The following UNC5A variants were observed in gnomAD, a reference collection of about 807,000 sequenced individuals.
UNC5A encodes the protein netrin receptor UNC5A.
UNC5A carries 20 observed loss-of-function variants against 87.4 expected under a neutral mutation model. The observed-to-expected ratio is 0.23, with a 90% CI of 0.16 to 0.33. The LOEUF (loss-of-function observed/expected upper bound fraction) is 0.33. UNC5A is among the 10% of genes least tolerant of loss of function. The probability of loss-of-function intolerance (pLI) is 1.00; values close to 1 mark genes in which losing one functional copy is unlikely to be tolerated. For missense variants in UNC5A, 844 were observed against 1,133.4 expected (o/e 0.74, Z 3.67); for synonymous variants, 438 against 482.3 (o/e 0.91, Z 1.20).
chr5:176,878,421 C>G (rs761064362), intron 12 of UNC5A, 28 bp downstream of exon 12: 6 of 1,612,694 alleles, frequency 3.7e-6, no homozygotes, highest in Non-Finnish European at 5.1e-6. Context: ...GGCCAGCGCA[C>G]AAGAGGCCTG....
intron 3 of UNC5A, 92 bp from the exon 4 acceptor site, chr5:176,868,469 T>A: frequency 6.8e-7 from 1 of 1,471,896 alleles, no homozygotes; most frequent in East Asian, 2.5e-5. Flanking sequence ...CTCTGCCATG[T>A]GCCACGGCCC....
chr5:176,839,536 G>A (rs1757221876), intron 1 of UNC5A, among the ~76,000 whole-genome samples: 2 of 152,224 alleles, frequency 1.3e-5, no homozygotes, highest in South Asian at 4.1e-4. Context: ...GCTGTCCCTG[G>A]TGCCCAGGTC....
At position 176,841,915 on chromosome 5, in the gene UNC5A, A is replaced by T. The variant is rs530103421; in HGVS notation, c.71-20709A>T. Among the ~76,000 whole-genome samples, 4 of 152,362 alleles carry T rather than the reference A, an allele frequency of 2.6e-5. No individual in the cohort carries two copies. The highest frequency in any genetic ancestry group is 2.6e-4 in the Admixed American group (4 of 15,310). ...AAGAATGGCCATAATCAAAAAATCA[A>T]GGCCGGGTGCGGTGGCTCACGCCGG... On this transcript the variant is annotated intron_variant, in intron 1 of 14. Transcript: ENST00000329542. The surrounding 1 kb of genome is among the most constrained non-coding windows in gnomAD (Gnocchi z 4.1).
rs531324791 is a variant in UNC5A, at chr5:176,838,282, T to G, written c.71-24342T>G. 4.2e-3 allele frequency among the ~76,000 whole-genome samples: 634 copies of G among 152,318 alleles called. 2 individuals are homozygous for G. The highest frequency in any genetic ancestry group is 0.014 in the African/African-American group (597 of 41,568). On this transcript the variant is annotated intron_variant, in intron 1 of 14. Coordinates refer to ENST00000329542, the MANE Select transcript of UNC5A (RefSeq NM_133369.3). The surrounding 1 kb of genome is among the most constrained non-coding windows in gnomAD (Gnocchi z 4.2). ...TTAGGATTTTAGGAAGCCACTCCCC[T>G]GCTAAAAAGCCTGTGATGGTTCCCC... is the stretch of plus-strand genomic sequence containing the variant.
chr5:176,874,070 A>G lies in UNC5A; in HGVS notation c.989A>G (p.Lys330Arg), dbSNP rs200879752. The G allele has an allele frequency of 1.9e-6, 3 of 1,614,054 alleles. No individual in the cohort carries two copies. The African/African-American group carries it at 4.0e-5, about 22-fold the overall frequency. ...LLVLILVYCR[K>R]KEGLDSDVAD... Reference sequence around the variant, plus strand: ...GTCCTCATCCTCGTTTATTGCCGGAAGAAGGAGGGGCTGGACTCAGATGTG... The same window carrying G: ...GTCCTCATCCTCGTTTATTGCCGGAGGAAGGAGGGGCTGGACTCAGATGTG... The change falls in exon 7 of 15, where the codon AAG becomes AGG. Residue 330 changes from lysine to arginine, a missense_variant. Lys to Arg is a conservative substitution (Grantham distance 26). This residue lies in a region of UNC5A where 353 missense variants were observed against 387.5 expected (regional missense o/e 0.91). Coordinates refer to ENST00000329542, the MANE Select transcript of UNC5A (RefSeq NM_133369.3). The surrounding 1 kb of genome is among the most constrained non-coding windows in gnomAD (Gnocchi z 7.6).
intron 1 of UNC5A, among the ~76,000 whole-genome samples, chr5:176,834,656 C>T (rs1480305367): frequency 3.2e-5 from 4 of 123,084 alleles, no homozygotes; most frequent in African/African-American, 1.2e-4. Context: ...CAGGTTCCCA[C>T]GTCCCGTCTT....
At chr5:176,868,496 A>G in intron 3 of UNC5A, 65 bp from the exon 4 acceptor site, 1 of 1,526,290 alleles carries the variant, frequency 6.6e-7, no homozygotes, top group Non-Finnish European at 8.9e-7. Flanking sequence ...GACAAGGGAC[A>G]CAGCCAGCCA....
At chr5:176,863,167 G>C (rs1757883798) in intron 2 of UNC5A, among the ~76,000 whole-genome samples, 1 of 152,274 alleles carries the variant, frequency 6.6e-6, no homozygotes, top group South Asian at 2.1e-4. Context: ...TTCCCACAGA[G>C]AGGCAGACAG....
chr5:176,843,162 A>T (rs1340722025), intron 1 of UNC5A, among the ~76,000 whole-genome samples: 2 of 122,476 alleles, frequency 1.6e-5, no homozygotes, highest in African/African-American at 4.3e-5. Context: ...ACTCTGTCTC[A>T]AAAAAAAAAA....
At chr5:176,853,123 C>T (rs768797149) in intron 1 of UNC5A, among the ~76,000 whole-genome samples, 7 of 152,194 alleles carry the variant, frequency 4.6e-5, no homozygotes, top group Non-Finnish European at 7.4e-5. Flanking sequence ...GCGGGCACGA[C>T]AAGTGCAAAG....
intron 1 of UNC5A, among the ~76,000 whole-genome samples, chr5:176,842,219 C>T (rs1427278865): frequency 2.6e-5 from 4 of 152,148 alleles, no homozygotes; most frequent in Admixed American, 2.6e-4. Context: ...AATCAAAAAA[C>T]AGTAGATGTT....
chr5:176,874,855 G>A lies in UNC5A; in HGVS notation c.1378+289G>A, dbSNP rs1271490254. ...TGGGCCCAGAGGTAGGGCAAGCCCCGGCCCCAAGGAGCTTGCAACTGAGCA... is the reference window on the plus strand; with the variant it reads ...TGGGCCCAGAGGTAGGGCAAGCCCCAGCCCCAAGGAGCTTGCAACTGAGCA... On this transcript the variant is annotated intron_variant, in intron 8 of 14. Transcript: ENST00000329542. The surrounding 1 kb of genome is among the most constrained non-coding windows in gnomAD (Gnocchi z 7.6). 1.3e-5 allele frequency among the ~76,000 whole-genome samples: 2 copies of A among 152,176 alleles called. No homozygotes were observed. Among genetic ancestry groups the A allele is most frequent in the African/African-American group, 4.8e-5 (2 of 41,436 alleles).
In UNC5A at chr5:176,868,586, G is replaced by C; in HGVS notation, c.462G>C (p.Glu154Asp). The stretch of plus-strand genomic sequence containing the variant: ...ATTTGCGCAAGAACTTCGAGCAGGA[G>C]CCGCTGGCCAAGGAGGTGTCCCTGG... ...IAYLRKNFEQ[E>D]PLAKEVSLEQ... The change falls in exon 4 of 15, where the codon GAG becomes GAC. Residue 154 changes from glutamate (E) to aspartate (D), a missense_variant. By Grantham distance (45) the Glu-to-Asp change is conservative (BLOSUM62 2). Transcript: ENST00000329542. 1 of 1,605,684 alleles carries C rather than the reference G, an allele frequency of 6.2e-7. No individual in the cohort carries two copies. Among genetic ancestry groups the C allele is most frequent in the Non-Finnish European group, 8.5e-7 (1 of 1,176,802 alleles).
At position 176,819,051 on chromosome 5, in the gene UNC5A, G is replaced by A. The variant is rs564198577; in HGVS notation, c.70+8231G>A. Among the ~76,000 whole-genome samples, 124 of 152,278 alleles carry A rather than the reference G, an allele frequency of 8.1e-4. 1 individual carries two copies. The highest frequency in any genetic ancestry group is 3.4e-3 in the Middle Eastern group (1 of 294). On this transcript the variant is annotated intron_variant, in intron 1 of 14. Transcript: ENST00000329542. ...CCAGTAAGCTCCCCAAATGGTTCTG[G>A]GCCCTTCCTTCTGGGGCCGCACAGG...
At chr5:176,855,374 G>A (rs1310843113) in intron 1 of UNC5A, among the ~76,000 whole-genome samples, 1 of 152,218 alleles carries the variant, frequency 6.6e-6, no homozygotes, top group Non-Finnish European at 1.5e-5. Flanking sequence ...TCTATTGGAC[G>A]GGGCGGCCTG....
rs992923680 is a variant in UNC5A, at chr5:176,869,416, G to A, written c.721+452G>A. Among the ~76,000 whole-genome samples, 1 of 152,144 alleles carries A rather than the reference G, an allele frequency of 6.6e-6. No homozygotes were observed. The highest frequency in any genetic ancestry group is 1.5e-5 in the Non-Finnish European group (1 of 67,990). On this transcript the variant is annotated intron_variant, in intron 5 of 14. Transcript: ENST00000329542. The surrounding 1 kb of genome is among the most constrained non-coding windows in gnomAD (Gnocchi z 9.1). ...ACCCCGAGTGCCCCCTGGGAGAAGG[G>A]AAGACTGTGGCGTGCGTGCTGCAGG...
chr5:176,840,884 C>T (rs1184904865), intron 1 of UNC5A, among the ~76,000 whole-genome samples: 1 of 152,222 alleles, frequency 6.6e-6, no homozygotes, highest in East Asian at 1.9e-4. Context: ...GTTATGGGTC[C>T]CCCCACAACG....
In UNC5A at chr5:176,878,109, C is replaced by T. The variant is rs1159676770; in HGVS notation, c.1851C>T (p.Asp617=). ...EYNIRVYCLH[D]THDALKEVVQ... ...ACATCCGGGTCTACTGCCTGCATGA[C>T]ACCCACGATGCACTCAAGGTATCTC... is the stretch of plus-strand genomic sequence containing the variant. Residue 617 remains aspartate, a synonymous_variant, in exon 11 of 15, where the codon GAC becomes GAT. Coordinates refer to ENST00000329542, the MANE Select transcript of UNC5A (RefSeq NM_133369.3). The T allele has an allele frequency of 6.2e-7, 1 of 1,609,064 alleles. No homozygotes were observed.
At chr5:176,859,740 T>C (rs1250439155) in intron 1 of UNC5A, among the ~76,000 whole-genome samples, 9 of 93,012 alleles carry the variant, frequency 9.7e-5, no homozygotes, top group Non-Finnish European at 1.3e-4. Flanking sequence ...TAGAATGATG[T>C]CCTTGCTAGA....
Sources: allele counts gnomAD v4.1 joint callset (sites outside exome capture counted in the v4.1 genomes callset), GRCh38; gene constraint gnomAD v4.1.1; regional missense constraint gnomAD v4.1.1; non-coding constraint Gnocchi (gnomAD v3.1); transcripts MANE v1.5; gene names NCBI Gene and HGNC (gene_info 2026-07-23, HGNC 2026-07-21).